BUB1: variants seen among roughly 807,000 people sequenced by gnomAD.
BUB1 encodes the protein BUB1 mitotic checkpoint serine/threonine kinase.
BUB1 carries 84 observed loss-of-function variants against 135.2 expected under a neutral mutation model. The observed-to-expected ratio is 0.62, with a 90% confidence interval of 0.52 to 0.74. BUB1 has a LOEUF of 0.74. Ranked by LOEUF, BUB1 falls within the 30% of genes least tolerant of loss-of-function variation. The probability of loss-of-function intolerance (pLI) is 0.00; values close to 1 mark genes in which losing one functional copy is unlikely to be tolerated. For synonymous variants in BUB1, 403 were observed against 434.4 expected (o/e 0.93, Z 0.90); for missense variants, 1,162 against 1,288.3 (o/e 0.90, Z 1.50).
chr2:110,666,467 T>G (rs1345280553), intron 8 of BUB1, 53 bp from the exon 9 acceptor site: 1 of 1,249,438 alleles, frequency 8.0e-7, no homozygotes, highest in African/African-American at 1.5e-5. Flanking sequence ...CAGGTCATCA[T>G]AGGAATACAT....
intron 19 of BUB1, among the ~76,000 whole-genome samples, chr2:110,646,295 C>T (rs1689644652): frequency 6.8e-6 from 1 of 147,698 alleles, no homozygotes; most frequent in Non-Finnish European, 1.5e-5. Context: ...AAGATTGTGC[C>T]ACTGCACCCT....
chr2:110,650,872 T>C (rs1482602382), intron 17 of BUB1, 88 bp from the exon 18 acceptor site: 18 of 1,256,708 alleles, frequency 1.4e-5, no homozygotes, highest in Non-Finnish European at 2.0e-5. Context: ...CTTCTCATTC[T>C]AGAAATGACA....
At chr2:110,670,411 T>G (rs959407247) in intron 5 of BUB1, 114 bp downstream of exon 5, 17 of 1,224,380 alleles carry the variant, frequency 1.4e-5, no homozygotes, top group Non-Finnish European at 1.9e-5. Flanking sequence ...GTGCTGGGAT[T>G]ACAGGTGTGA....
intron 11 of BUB1, among the ~76,000 whole-genome samples, chr2:110,659,065 C>G (rs982003285): frequency 1.2e-4 from 19 of 152,124 alleles, no homozygotes; most frequent in Admixed American, 1.3e-4. Flanking sequence ...TTCATAGTCA[C>G]AATGTAAATC....
Position 110,649,234 on chromosome 2 carries a change from C to A in BUB1, c.2347G>T (p.Gly783Cys), listed in dbSNP as rs747632401. Residue 783 changes from glycine to cysteine, a missense_variant and splice_region_variant, in exon 19 of 25, where the codon GGT becomes TGT. Coordinates refer to ENST00000302759, the MANE Select transcript of BUB1 (RefSeq NM_004336.5). ...GTTATATTATCCAAATAATTCTTACCCAATTGAAATTCAGTCTTGGGCTTG... is the reference window on the plus strand; with the variant it reads ...GTTATATTATCCAAATAATTCTTACACAATTGAAATTCAGTCTTGGGCTTG... ...AIKPKTEFQLGSKLVYVHHLL... is the reference protein window; with the variant it reads ...AIKPKTEFQLCSKLVYVHHLL... 2 of 1,600,634 alleles carry A rather than the reference C, an allele frequency of 1.2e-6. No individual in the cohort carries two copies. Among genetic ancestry groups the A allele is most frequent in the Non-Finnish European group, 1.7e-6 (2 of 1,175,748 alleles).
chr2:110,667,825 A>C lies in BUB1; in HGVS notation c.592T>G (p.Ser198Ala), dbSNP rs1046571994. 6.2e-7 allele frequency: 1 copy of C among 1,613,520 alleles called. No homozygotes were observed. The highest frequency in any genetic ancestry group is 8.5e-7 in the Non-Finnish European group (1 of 1,179,926). Reference sequence around the variant, plus strand: ...TTTGACTCTTTATCACAAGCTGAAGATATCACTCCAGAAAGCTCTGAACCC... The same window carrying C: ...TTTGACTCTTTATCACAAGCTGAAGCTATCACTCCAGAAAGCTCTGAACCC... Reference protein sequence around the residue: ...NQGSELSGVISSACDKESNME... With the variant: ...NQGSELSGVIASACDKESNME... The change falls in exon 7 of 25, where the codon TCT (serine) becomes GCT (alanine). Residue 198 changes from serine (S) to alanine (A), a missense_variant. Coordinates refer to ENST00000302759, the MANE Select transcript of BUB1 (RefSeq NM_004336.5).
At chr2:110,649,461 A>G in intron 18 of BUB1, 84 bp from the exon 19 acceptor site, 1 of 1,270,620 alleles carries the variant, frequency 7.9e-7, no homozygotes, top group Non-Finnish European at 1.1e-6. Flanking sequence ...AGACAAAGTG[A>G]GTAGAGATAT....
At chr2:110,654,147 G>C (rs1689860037) in intron 16 of BUB1, among the ~76,000 whole-genome samples, 1 of 152,084 alleles carries the variant, frequency 6.6e-6, no homozygotes, top group African/African-American at 2.4e-5. Flanking sequence ...CGGATGGCAG[G>C]GCTACACCCA....
intron 4 of BUB1, among the ~76,000 whole-genome samples, chr2:110,671,664 T>C (rs138371370): frequency 2.0e-5 from 3 of 152,292 alleles, no homozygotes; most frequent in Admixed American, 6.5e-5. Flanking sequence ...ACTCAATAGT[T>C]TCAATTCTGA....
intron 19 of BUB1, among the ~76,000 whole-genome samples, chr2:110,643,361 A>C (rs1181187079): frequency 6.6e-6 from 1 of 152,196 alleles, no homozygotes; most frequent in African/African-American, 2.4e-5. Context: ...CAAAGATAAC[A>C]GGGGAAACAA....
chr2:110,641,809 A>T lies in BUB1; in HGVS notation c.2464-6T>A. On this transcript the variant is annotated splice_region_variant and splice_polypyrimidine_tract_variant and intron_variant, in intron 20 of 24. Transcript: ENST00000302759. ...GGGTTGGCAGGCTTTTGGACCTGCA[A>T]ATCAGGTATGTGAAATTCATATCCA... 6.2e-7 allele frequency: 1 copy of T among 1,601,276 alleles called. No individual in the cohort carries two copies. The highest frequency in any genetic ancestry group is 8.5e-7 in the Non-Finnish European group (1 of 1,179,128).
At chr2:110,673,323 C>T (rs1004497204) in intron 3 of BUB1, among the ~76,000 whole-genome samples, 1 of 152,128 alleles carries the variant, frequency 6.6e-6, no homozygotes, top group African/African-American at 2.4e-5. Context: ...TCCTTGAGTT[C>T]TGTGAGCCAC....
Position 110,655,782 on chromosome 2 carries a change from G to C in BUB1, c.1833C>G (p.Phe611Leu). 4 of 1,613,932 alleles carry C rather than the reference G, an allele frequency of 2.5e-6. No homozygotes were observed. Among genetic ancestry groups the C allele is most frequent in the Non-Finnish European group, 3.4e-6 (4 of 1,179,872 alleles). ...TSAAQLASTPFHKLPVESVHI... is the reference protein window; with the variant it reads ...TSAAQLASTPLHKLPVESVHI... ...GCACTGACTCCACTGGAAGCTTGTGGAATGGTGTAGACGCAAGTTGTGCAG... is the reference window on the plus strand; with the variant it reads ...GCACTGACTCCACTGGAAGCTTGTGCAATGGTGTAGACGCAAGTTGTGCAG... The change falls in exon 16 of 25, where the codon TTC becomes TTG. Residue 611 changes from phenylalanine to leucine, a missense_variant. Coordinates refer to ENST00000302759, the MANE Select transcript of BUB1 (RefSeq NM_004336.5).
Position 110,641,156 on chromosome 2 carries a change from T to G in BUB1, c.2833A>C (p.Ile945Leu). ...EDDLSAGLALIDLGQSIDMKL... is the reference protein window; with the variant it reads ...EDDLSAGLALLDLGQSIDMKL... ...ATATCTATACTCTGACCCAGGTCAATCAGTGCCAAGCCAGCAGATAAATCA... is the reference window on the plus strand; with the variant it reads ...ATATCTATACTCTGACCCAGGTCAAGCAGTGCCAAGCCAGCAGATAAATCA... Residue 945 changes from isoleucine (I) to leucine (L), a missense_variant, in exon 23 of 25, where the codon ATT becomes CTT. Transcript: ENST00000302759. 1.2e-6 allele frequency: 2 copies of G among 1,612,688 alleles called. No individual in the cohort carries two copies. The highest frequency in any genetic ancestry group is 2.2e-5 in the South Asian group (2 of 90,698).
chr2:110,667,899 T>G (rs113293448), intron 6 of BUB1, 50 bp from the exon 7 acceptor site: 1 of 1,564,910 alleles, frequency 6.4e-7, no homozygotes, highest in East Asian at 2.2e-5. Context: ...AGAAGAAAGC[T>G]TCACCCAAAT....
At chr2:110,659,858 G>A (rs1342482903) in intron 11 of BUB1, 120 bp downstream of exon 11, 3 of 625,774 alleles carry the variant, frequency 4.8e-6, no homozygotes, top group East Asian at 6.3e-5. Flanking sequence ...CTAAGAATAG[G>A]AAATCTAACA....
chr2:110,640,992 A>G (rs894538001), intron 23 of BUB1, 42 bp downstream of exon 23: 68 of 1,513,916 alleles, frequency 4.5e-5, no homozygotes, highest in Non-Finnish European at 5.6e-5. Context: ...GATAAGCGCA[A>G]CACAGAAAAA....
rs779965899 is a variant in BUB1 at position 110,637,972 on chromosome 2, G to T, written c.3250C>A (p.Arg1084=). ...CTGTCTATATCCAAATTTTATTTTC[G>T]TGAACGCTTACATTCTAAGAGCAGT... ...IVLLLECKRS[R]K The change falls in exon 25 of 25, where the codon CGA becomes AGA. Residue 1084 remains arginine, a synonymous_variant. Coordinates refer to ENST00000302759, the MANE Select transcript of BUB1 (RefSeq NM_004336.5). The T allele has an allele frequency of 2.0e-6, 3 of 1,480,860 alleles. No homozygotes were observed. The highest frequency in any genetic ancestry group is 4.9e-5 in the East Asian group (2 of 40,560). 91.7% of individuals were successfully genotyped at this position (1,480,860 alleles called of 1,614,324 possible).
chr2:110,664,325 A>G (rs1287739045), intron 9 of BUB1, among the ~76,000 whole-genome samples: 1 of 152,206 alleles, frequency 6.6e-6, no homozygotes, highest in Non-Finnish European at 1.5e-5. Flanking sequence ...AAATGATTCT[A>G]CACCCCTCTA....
Sources: gnomAD v4.1 joint callset for allele counts (sites outside exome capture counted in the v4.1 genomes callset) on GRCh38, gnomAD v4.1.1 for gene constraint, MANE v1.5 for transcripts, NCBI Gene and HGNC (gene_info 2026-07-23, HGNC 2026-07-21) for gene names.